Variants in CCDC7 observed in about 807,000 individuals in gnomAD.
The protein encoded by CCDC7 is coiled-coil domain-containing protein 7.
A neutral mutation model predicts 196.9 loss-of-function variants in CCDC7; 183 were observed. That is an observed-to-expected ratio of 0.93 (90% CI 0.82 to 1.05). The LOEUF (loss-of-function observed/expected upper bound fraction) is 1.05. Among genes scored for constraint, CCDC7 ranks in the 50% least tolerant of loss-of-function variants. The pLI, the probability that CCDC7 is intolerant of heterozygous loss-of-function variation, is 0.00. For synonymous variants in CCDC7, 525 were observed against 484.6 expected (o/e 1.08, Z -1.10); for missense variants, 1,540 against 1,482.2 (o/e 1.04, Z -0.64).
At chr10:32,745,971 T>C (rs530071588) in intron 28 of CCDC7, among the ~76,000 whole-genome samples, 1 of 152,288 alleles carries the variant, frequency 6.6e-6, no homozygotes, top group South Asian at 2.1e-4. Flanking sequence ...GGGGGCACTG[T>C]TGTAATTGAT....
At position 32,504,768 on chromosome 10, in the gene CCDC7, A is replaced by G. The variant is rs548253318; in HGVS notation, c.872+12771A>G. On this transcript the variant is annotated intron_variant, in intron 9 of 41. Transcript: ENST00000639629. ...TCAAATTATTGTCATTGGAAAATAT[A>G]CTTGATATGACTTCAGTCTTCTTAA... 4.6e-5 allele frequency among the ~76,000 whole-genome samples: 7 copies of G among 152,318 alleles called. No individual in the cohort carries two copies. In the South Asian group the frequency reaches 6.2e-4, roughly 14 times the overall value.
At chr10:32,828,544 AAGAAG>A (rs2091724508) in intron 32 of CCDC7, among the ~76,000 whole-genome samples, 1 of 146,532 alleles carries the variant, frequency 6.8e-6, no homozygotes, top group African/African-American at 2.6e-5. Flanking sequence ...GAAGAAGAAG[AAGAAG>A]AAGAAGAAGA....
chr10:32,782,420 G>A (rs1387688944), intron 29 of CCDC7, among the ~76,000 whole-genome samples: 1 of 152,108 alleles, frequency 6.6e-6, no homozygotes, highest in African/African-American at 2.4e-5. Flanking sequence ...AAGAAACGGG[G>A]TTTCACTATG....
intron 9 of CCDC7, among the ~76,000 whole-genome samples, chr10:32,500,887 A>G (rs1050973781): frequency 6.6e-6 from 1 of 152,156 alleles, no homozygotes; most frequent in African/African-American, 2.4e-5. Context: ...TCCACCAAAA[A>G]ATACGAAAAC....
chr10:32,518,495 A>G (rs1053146627), exon 11 of CCDC7: 3 of 1,605,292 alleles, frequency 1.9e-6, no homozygotes, highest in Non-Finnish European at 2.5e-6. Context: ...CAAAAGTTGA[A>G]GGACAAAGAG....
At chr10:32,699,914 T>C (rs1284272987) in intron 24 of CCDC7, among the ~76,000 whole-genome samples, 1 of 149,560 alleles carries the variant, frequency 6.7e-6, no homozygotes, top group Admixed American at 6.6e-5. Flanking sequence ...TGTTTTTTTC[T>C]TGTAAATTTG....
chr10:32,734,686 G>C (rs1027466349), intron 28 of CCDC7, among the ~76,000 whole-genome samples: 3 of 152,168 alleles, frequency 2.0e-5, no homozygotes, highest in Non-Finnish European at 2.9e-5. Context: ...CCTGAGCTCA[G>C]GAGTTCGAGA....
chr10:32,838,636 C>A (rs1593314788), intron 33 of CCDC7, among the ~76,000 whole-genome samples: 1 of 151,936 alleles, frequency 6.6e-6, no homozygotes, highest in East Asian at 1.9e-4. Flanking sequence ...TCAAAGAACA[C>A]CTGGGAAATT....
chr10:32,506,964 A>G (rs1377568669), intron 9 of CCDC7, among the ~76,000 whole-genome samples: 1 of 152,136 alleles, frequency 6.6e-6, no homozygotes, highest in East Asian at 1.9e-4. Context: ...ATAGCCACTC[A>G]TGCCTTCTTT....
intron 30 of CCDC7, among the ~76,000 whole-genome samples, chr10:32,811,424 T>C (rs1437189728): frequency 6.6e-6 from 1 of 152,042 alleles, no homozygotes; most frequent in Non-Finnish European, 1.5e-5. Context: ...TCTGGACACA[T>C]ATAGCCTACC....
At chr10:32,802,358 C>T (rs2084967927) in intron 29 of CCDC7, among the ~76,000 whole-genome samples, 1 of 151,932 alleles carries the variant, frequency 6.6e-6, no homozygotes, top group African/African-American at 2.4e-5. Context: ...TTTTGCATAA[C>T]TCTCTAAACA....
chr10:32,613,264 G>A (rs576466625), intron 18 of CCDC7, among the ~76,000 whole-genome samples: 10 of 152,200 alleles, frequency 6.6e-5, no homozygotes, highest in Non-Finnish European at 8.8e-5. Context: ...GATTGGTGGT[G>A]ATATCCCCTT....
At chr10:32,716,914 T>G (rs2081679507) in intron 25 of CCDC7, among the ~76,000 whole-genome samples, 1 of 152,148 alleles carries the variant, frequency 6.6e-6, no homozygotes, top group African/African-American at 2.4e-5. Context: ...CTTAGAGACT[T>G]AGACTCCCAC....
exon 31 of CCDC7, chr10:32,814,411 A>G (rs530294108): frequency 6.2e-7 from 1 of 1,612,326 alleles, no homozygotes; most frequent in Non-Finnish European, 8.5e-7. Context: ...TGGAAGAGAT[A>G]TACTAAAGGA....
At chr10:32,749,289 C>G (rs551197809) in intron 28 of CCDC7, among the ~76,000 whole-genome samples, 1 of 151,962 alleles carries the variant, frequency 6.6e-6, no homozygotes, top group Admixed American at 6.6e-5. Context: ...TTGGAAGGTC[C>G]GTTTAAAAAA....
intron 21 of CCDC7, among the ~76,000 whole-genome samples, chr10:32,678,699 C>T (rs1197006152): frequency 1.3e-5 from 2 of 152,162 alleles, no homozygotes; most frequent in Non-Finnish European, 2.9e-5. Flanking sequence ...GTCCAATGCT[C>T]ACTTTATTCC....
chr10:32,477,815 T>G (rs1214567439), intron 8 of CCDC7, among the ~76,000 whole-genome samples: 4 of 152,214 alleles, frequency 2.6e-5, no homozygotes, highest in African/African-American at 9.6e-5. Context: ...TTGTGTTGAC[T>G]TCTCTGGGTC....
intron 21 of CCDC7, among the ~76,000 whole-genome samples, chr10:32,679,152 C>T (rs1762529): frequency 0.34 from 52,137 of 151,976 alleles, 11,336 homozygotes; most frequent in Non-Finnish European, 0.49. Context: ...AATTTCTTGT[C>T]TTGAGACTAT....
At chr10:32,487,328 C>A (rs1384266999) in intron 8 of CCDC7, among the ~76,000 whole-genome samples, 3 of 152,184 alleles carry the variant, frequency 2.0e-5, no homozygotes, top group Non-Finnish European at 4.4e-5. Context: ...CCTTAGTTTT[C>A]AGCTCCATCA....
Sources: allele counts gnomAD v4.1 joint callset (sites outside exome capture counted in the v4.1 genomes callset), GRCh38; gene constraint gnomAD v4.1.1; transcripts MANE v1.5; gene names NCBI Gene and HGNC (gene_info 2026-07-23, HGNC 2026-07-21).